Variants in EPHB1 observed in about 807,000 individuals in gnomAD.
The protein encoded by EPHB1 is EPH receptor B1, also known as ephrin type-B receptor 1.
A neutral mutation model predicts 94.4 loss-of-function variants in EPHB1; 30 were observed. The observed-to-expected ratio is 0.32, with a 90% CI of 0.24 to 0.43. The LOEUF (loss-of-function observed/expected upper bound fraction) is 0.43, where lower values mean the gene tolerates loss of function less well. EPHB1 is among the 20% of genes least tolerant of loss of function. EPHB1 has a pLI of 1.00. For missense variants in EPHB1, 1,055 were observed against 1,308.3 expected (o/e 0.81, Z 2.99); for synonymous variants, 522 against 489.1 (o/e 1.07, Z -0.89).
At chr3:135,143,459 G>A (rs1417595349) in intron 5 of EPHB1, among the ~76,000 whole-genome samples, 3 of 152,182 alleles carry the variant, frequency 2.0e-5, no homozygotes, top group African/African-American at 4.8e-5. Context: ...GGGTCCTCCA[G>A]CTGCATTAGG....
intron 13 of EPHB1, among the ~76,000 whole-genome samples, chr3:135,243,628 C>T (rs1943848157): frequency 6.6e-6 from 1 of 152,108 alleles, no homozygotes. Context: ...GAGGGGCTCC[C>T]AGCTGCCGGG....
chr3:134,873,203 G>T (rs6439531), intron 1 of EPHB1, among the ~76,000 whole-genome samples: 68,720 of 151,746 alleles, frequency 0.45, 18,089 homozygotes, highest in African/African-American at 0.74. Context: ...AGAGCGAGAG[G>T]TTATGACAGC....
At chr3:134,935,036 C>A (rs999058440) in intron 2 of EPHB1, among the ~76,000 whole-genome samples, 1 of 152,174 alleles carries the variant, frequency 6.6e-6, no homozygotes, top group African/African-American at 2.4e-5. Flanking sequence ...GTCTTGGAAA[C>A]CTTTATGCAA....
intron 3 of EPHB1, among the ~76,000 whole-genome samples, chr3:135,050,404 A>T (rs1310781898): frequency 6.6e-6 from 1 of 152,208 alleles, no homozygotes; most frequent in African/African-American, 2.4e-5. Context: ...TGTTTAAAAA[A>T]TATATTGCAT....
intron 1 of EPHB1, among the ~76,000 whole-genome samples, chr3:134,878,367 T>C (rs2037659863): frequency 6.6e-6 from 1 of 152,232 alleles, no homozygotes; most frequent in South Asian, 2.1e-4. Flanking sequence ...TGGCAGCTCA[T>C]ATTAACATTA....
chr3:134,992,752 C>A (rs1366514194), intron 3 of EPHB1, among the ~76,000 whole-genome samples: 1 of 152,154 alleles, frequency 6.6e-6, no homozygotes, highest in Non-Finnish European at 1.5e-5. Flanking sequence ...TGTGAGTTCC[C>A]TGAGGGCAAG....
At chr3:135,257,482 G>A (rs1404327930) in intron 15 of EPHB1, among the ~76,000 whole-genome samples, 1 of 152,096 alleles carries the variant, frequency 6.6e-6, no homozygotes, top group African/African-American at 2.4e-5. Context: ...TGCCATGTGA[G>A]GTGTCAGTGT....
chr3:134,972,378 TTATA>T (rs938953558), intron 3 of EPHB1, among the ~76,000 whole-genome samples: 2 of 146,606 alleles, frequency 1.4e-5, no homozygotes, highest in African/African-American at 5.0e-5. Flanking sequence ...TATAAAATAT[TTATA>T]TATAAATATA....
In EPHB1 at chr3:135,162,015, T is replaced by A. The variant is rs1243795013; in HGVS notation, c.1423-3T>A. ...AGTGACCCTTTCCCTTGCTTTCTTT[T>A]AGGAACACAATGAGTTCAACTCCTC... On this transcript the variant is annotated splice_region_variant and splice_polypyrimidine_tract_variant and intron_variant, in intron 6 of 15. Transcript: ENST00000398015. 1.2e-6 allele frequency: 2 copies of A among 1,605,974 alleles called. No homozygotes were observed. The highest frequency in any genetic ancestry group is 2.7e-5 in the African/African-American group (2 of 74,696).
intron 12 of EPHB1, among the ~76,000 whole-genome samples, chr3:135,225,252 G>C (rs1257336379): frequency 6.6e-6 from 1 of 152,162 alleles, no homozygotes; most frequent in Non-Finnish European, 1.5e-5. Context: ...TAATCCAAAA[G>C]ATGTATCTCC....
chr3:134,972,255 A>C (rs1452972816), intron 3 of EPHB1, among the ~76,000 whole-genome samples: 1 of 151,576 alleles, frequency 6.6e-6, no homozygotes, highest in Non-Finnish European at 1.5e-5. Flanking sequence ...CCTTGCTATG[A>C]GTCAATGCTG....
chr3:135,185,407 C>T (rs1233183351), intron 10 of EPHB1, among the ~76,000 whole-genome samples: 2 of 152,338 alleles, frequency 1.3e-5, no homozygotes, highest in Admixed American at 1.3e-4. Flanking sequence ...GAGAAGAAAT[C>T]ATAGACATGT....
At chr3:134,908,887 G>A (rs2038391628) in intron 1 of EPHB1, among the ~76,000 whole-genome samples, 2 of 152,126 alleles carry the variant, frequency 1.3e-5, no homozygotes, top group South Asian at 2.1e-4. Flanking sequence ...ACTGTAGGAT[G>A]CTCAGTGGAA....
intron 12 of EPHB1, among the ~76,000 whole-genome samples, chr3:135,219,241 A>G (rs113565665): frequency 6.6e-6 from 1 of 152,108 alleles, no homozygotes; most frequent in African/African-American, 2.4e-5. Flanking sequence ...CCCTGGGATC[A>G]GTTGAATTGT....
intron 1 of EPHB1, among the ~76,000 whole-genome samples, chr3:134,850,245 T>C (rs2036953528): frequency 6.6e-6 from 1 of 152,188 alleles, no homozygotes; most frequent in South Asian, 2.1e-4. Context: ...GAACAATAGC[T>C]GTCATTTAAA....
intron 9 of EPHB1, among the ~76,000 whole-genome samples, chr3:135,173,950 C>A (rs1384904867): frequency 1.3e-5 from 2 of 152,180 alleles, no homozygotes; most frequent in African/African-American, 4.8e-5. Flanking sequence ...TCCCTAATTC[C>A]CCACATCTGA....
rs373405617 is a variant in EPHB1 at position 135,002,610 on chromosome 3, C to G, written c.805+50558C>G. On this transcript the variant is annotated intron_variant, in intron 3 of 15. Transcript: ENST00000398015. ...TCCTGGACTCTTTTTGGTTGGTAAG[C>G]TATTGATTATTGCCACAACTTCAGA... is the stretch of plus-strand genomic sequence containing the variant. Among the ~76,000 whole-genome samples, 465 of 147,436 alleles carry G rather than the reference C, an allele frequency of 3.2e-3. 2 individuals carry two copies. The highest frequency in any genetic ancestry group is 5.6e-3 in the South Asian group (25 of 4,494).
chr3:135,095,619 A>G (rs1351396720), intron 3 of EPHB1, among the ~76,000 whole-genome samples: 1 of 152,128 alleles, frequency 6.6e-6, no homozygotes, highest in Non-Finnish European at 1.5e-5. Context: ...AGTGGGTGAC[A>G]TGAGCTCAGG....
intron 6 of EPHB1, 24 bp downstream of exon 6, chr3:135,154,300 T>C (rs772464174): frequency 3.5e-5 from 57 of 1,613,362 alleles, no homozygotes; most frequent in Admixed American, 1.0e-4. Context: ...ACCTGCAAGC[T>C]TGCAAGACCC....
Sources: allele counts gnomAD v4.1 joint callset (sites outside exome capture counted in the v4.1 genomes callset), GRCh38; gene constraint gnomAD v4.1.1; transcripts MANE v1.5; gene names NCBI Gene and HGNC (gene_info 2026-07-23, HGNC 2026-07-21).